The following MYCBP2 variants were observed in gnomAD, a reference collection of about 807,000 sequenced individuals.
MYCBP2 encodes the protein E3 ubiquitin-protein ligase MYCBP2.
In MYCBP2, 120 loss-of-function variants were observed where a neutral mutation model predicts 525.3. The observed-to-expected ratio is 0.23, with a 90% CI of 0.20 to 0.27. MYCBP2 has a LOEUF of 0.27. MYCBP2 is among the 10% of genes least tolerant of loss of function. The probability of loss-of-function intolerance (pLI) is 1.00; values close to 1 mark genes in which losing one functional copy is unlikely to be tolerated. For synonymous variants in MYCBP2, 1,894 were observed against 1,955.8 expected (o/e 0.97, Z 0.83); for missense variants, 4,149 against 5,657.1 (o/e 0.73, Z 8.55).
At chr13:77,238,564 T>C (rs2068324329) in intron 17 of MYCBP2, among the ~76,000 whole-genome samples, 1 of 152,068 alleles carries the variant, frequency 6.6e-6, no homozygotes, top group South Asian at 2.1e-4. Context: ...CAACCCAATA[T>C]AATCTAAAAA....
intron 53 of MYCBP2, 94 bp from the exon 54 acceptor site, chr13:77,125,562 A>C (rs2051507628): frequency 3.0e-6 from 4 of 1,336,802 alleles, no homozygotes; most frequent in Non-Finnish European, 2.1e-6. Context: ...TGAATAGTGT[A>C]ATCATTCCAA....
At chr13:77,076,921 G>T in intron 67 of MYCBP2, 72 bp from the exon 68 acceptor site, 2 of 1,228,002 alleles carry the variant, frequency 1.6e-6, no homozygotes, top group Non-Finnish European at 1.2e-6. Flanking sequence ...GGACTCATTA[G>T]CTGATTCCGC....
At chr13:77,159,458 T>C (rs1215746900) in intron 44 of MYCBP2, among the ~76,000 whole-genome samples, 1 of 152,004 alleles carries the variant, frequency 6.6e-6, no homozygotes, top group Non-Finnish European at 1.5e-5. Context: ...TATACCATAA[T>C]AATCCCTGAA....
Position 77,139,834 on chromosome 13 carries a change from T to G in MYCBP2, c.7518+213A>C, listed in dbSNP as rs548647402. Reference sequence around the variant, plus strand: ...GAATACTATGTCGAACATTGTTCTTTTCATGTTCAAAATATAATTTTAGTC... The same window carrying G: ...GAATACTATGTCGAACATTGTTCTTGTCATGTTCAAAATATAATTTTAGTC... On this transcript the variant is annotated intron_variant, in intron 51 of 82. Coordinates refer to ENST00000544440, the MANE Select transcript of MYCBP2 (RefSeq NM_015057.5). Among the ~76,000 whole-genome samples the G allele has an allele frequency of 3.9e-5, 6 of 152,316 alleles. 1 individual carries two copies. In the South Asian group the frequency reaches 1.2e-3, roughly 32 times the overall value.
At chr13:77,118,222 T>G in intron 55 of MYCBP2, 1 of 594,616 alleles carries the variant, frequency 1.7e-6, no homozygotes, top group Non-Finnish European at 3.0e-6. Context: ...TGGGAGGGGA[T>G]AACATCCTAA....
chr13:77,178,474 T>C (rs1176972796), intron 34 of MYCBP2, among the ~76,000 whole-genome samples: 3 of 152,220 alleles, frequency 2.0e-5, no homozygotes, highest in Non-Finnish European at 2.9e-5. Flanking sequence ...TACCCTAAGA[T>C]TGAATACTAC....
chr13:77,180,380 T>C, intron 33 of MYCBP2, 62 bp from the exon 34 acceptor site: 1 of 1,376,144 alleles, frequency 7.3e-7, no homozygotes, highest in South Asian at 1.3e-5. Flanking sequence ...GAGTACTCAA[T>C]TTGAAAACCT....
intron 15 of MYCBP2, among the ~76,000 whole-genome samples, chr13:77,244,613 T>C (rs1025186564): frequency 7.9e-5 from 12 of 152,176 alleles, no homozygotes; most frequent in African/African-American, 2.9e-4. Flanking sequence ...GGGCAAAGAC[T>C]TCATGACTAA....
chr13:77,175,423 T>A (rs1032649914), intron 36 of MYCBP2, among the ~76,000 whole-genome samples: 6 of 152,138 alleles, frequency 3.9e-5, no homozygotes, highest in Non-Finnish European at 2.9e-5. Flanking sequence ...TATAATGCAC[T>A]GTACTTTTAA....
At chr13:77,203,260 C>G (rs1410302950) in intron 26 of MYCBP2, among the ~76,000 whole-genome samples, 1 of 152,042 alleles carries the variant, frequency 6.6e-6, no homozygotes, top group Non-Finnish European at 1.5e-5. Flanking sequence ...AACAGACAAA[C>G]AGAGAGCCAA....
chr13:77,065,877 T>C (rs1407898392), intron 72 of MYCBP2, 115 bp downstream of exon 72: 17 of 614,806 alleles, frequency 2.8e-5, no homozygotes, highest in Non-Finnish European at 4.7e-5. Flanking sequence ...ATACTACAAA[T>C]AGTCTTTAAG....
intron 54 of MYCBP2, among the ~76,000 whole-genome samples, 168 bp downstream of exon 54, chr13:77,125,168 G>A (rs372771477): frequency 5.3e-5 from 8 of 152,180 alleles, no homozygotes; most frequent in African/African-American, 1.9e-4. Context: ...AAGTACTCAC[G>A]TATTTTACAA....
intron 11 of MYCBP2, among the ~76,000 whole-genome samples, chr13:77,261,649 A>G (rs550454001): frequency 6.6e-6 from 1 of 152,192 alleles, no homozygotes; most frequent in South Asian, 2.1e-4. Flanking sequence ...AATAATTACA[A>G]TAGTAACATC....
chr13:77,168,721 G>A, intron 39 of MYCBP2, 75 bp from the exon 40 acceptor site: 2 of 1,323,666 alleles, frequency 1.5e-6, no homozygotes, highest in African/African-American at 1.5e-5. Flanking sequence ...TACAATAATT[G>A]TTGGTTACTC....
At chr13:77,076,609 T>C (rs1594284990) in intron 68 of MYCBP2, 142 bp downstream of exon 68, 3 of 556,784 alleles carry the variant, frequency 5.4e-6, no homozygotes, top group Non-Finnish European at 6.2e-6. Flanking sequence ...TTTAGATAGT[T>C]CCTTCATCTT....
intron 14 of MYCBP2, among the ~76,000 whole-genome samples, chr13:77,254,552 T>C (rs569671123): frequency 4.2e-4 from 64 of 152,084 alleles, no homozygotes; most frequent in African/African-American, 1.5e-3. Flanking sequence ...TTTTCATACA[T>C]GCATATAATG....
At chr13:77,177,445 GA>G (rs1307278827) in intron 35 of MYCBP2, among the ~76,000 whole-genome samples, 1 of 149,452 alleles carries the variant, frequency 6.7e-6, no homozygotes, top group Non-Finnish European at 1.5e-5. Flanking sequence ...GGGCTCAAGT[GA>G]TCCTCCCACC....
intron 24 of MYCBP2, among the ~76,000 whole-genome samples, chr13:77,205,959 A>G (rs2063282828): frequency 6.6e-6 from 1 of 152,200 alleles, no homozygotes; most frequent in Non-Finnish European, 1.5e-5. Context: ...CTTAATCAAC[A>G]CTAGTTTTGG....
intron 34 of MYCBP2, among the ~76,000 whole-genome samples, chr13:77,178,739 C>A (rs895202970): frequency 6.6e-6 from 1 of 152,166 alleles, no homozygotes; most frequent in South Asian, 2.1e-4. Context: ...AAGAAATATT[C>A]ATCTCTAAGC....
Sources: allele counts gnomAD v4.1 joint callset (sites outside exome capture counted in the v4.1 genomes callset), GRCh38; gene constraint gnomAD v4.1.1; transcripts MANE v1.5; gene names NCBI Gene and HGNC (gene_info 2026-07-23, HGNC 2026-07-21).